CDC27: variants seen among roughly 807,000 people sequenced by gnomAD.
CDC27 encodes the protein cell division cycle protein 27 homolog.
CDC27 carries 27 observed loss-of-function variants against 109.7 expected under a neutral mutation model. The ratio of observed to expected loss-of-function variants is 0.25; its 90% CI spans 0.18 to 0.34. The LOEUF (loss-of-function observed/expected upper bound fraction) is 0.34, where lower values mean the gene tolerates loss of function less well. Ranked by LOEUF, CDC27 falls within the 10% of genes least tolerant of loss-of-function variation. CDC27 has a pLI of 1.00. For missense variants in CDC27, 579 were observed against 960.2 expected, an observed-to-expected ratio of 0.60 and a Z score of 5.25; for synonymous variants, 266 against 333.9, an observed-to-expected ratio of 0.80 and a Z score of 2.22.
At chr17:47,129,359 A>G in intron 16 of CDC27, 34 bp downstream of exon 16, 1 of 1,513,610 alleles carries the variant, frequency 6.6e-7, no homozygotes, top group Non-Finnish European at 9.1e-7. Context: ...TTTAAGCAAT[A>G]CAACACTGAA....
At chr17:47,140,846 C>A (rs2062772814) in intron 12 of CDC27, among the ~76,000 whole-genome samples, 1 of 152,116 alleles carries the variant, frequency 6.6e-6, no homozygotes, top group Admixed American at 6.5e-5. Context: ...AATAGGTATC[C>A]TCTGTATGTA....
intron 14 of CDC27, among the ~76,000 whole-genome samples, chr17:47,136,006 G>A (rs141472199): frequency 1.3e-5 from 2 of 152,266 alleles, no homozygotes; most frequent in East Asian, 3.9e-4. Flanking sequence ...GCCGGGCATG[G>A]TGGCAGGCAC....
intron 13 of CDC27, 53 bp downstream of exon 13, chr17:47,138,686 T>C: frequency 7.9e-7 from 1 of 1,273,500 alleles, no homozygotes; most frequent in African/African-American, 1.5e-5. Flanking sequence ...TCTCTATCTG[T>C]TGAGGGTGAT....
Position 47,120,960 on chromosome 17 carries a change from T to C in CDC27, c.2450A>G (p.His817Arg). ...TTAAAATTCATCACTTTCAGCTGCATGAAGTTGTGTGTCATCCGCATCTGT... is the reference window on the plus strand; with the variant it reads ...TTAAAATTCATCACTTTCAGCTGCACGAAGTTGTGTGTCATCCGCATCTGT... ...SMTDADDTQL[H>R]AAESDEF The change falls in exon 19 of 19, where the codon CAT (histidine) becomes CGT (arginine). Residue 817 changes from histidine (H) to arginine (R), a missense_variant. Physicochemically the swap from His to Arg is conservative, Grantham distance 29. This residue lies in a region of CDC27 where 227 missense variants were observed against 363.6 expected (regional missense o/e 0.62). Coordinates refer to ENST00000066544, the MANE Select transcript of CDC27 (RefSeq NM_001256.6). 6.2e-7 allele frequency: 1 copy of C among 1,613,008 alleles called. No homozygotes were observed. Among genetic ancestry groups the C allele is most frequent in the South Asian group, 1.1e-5 (1 of 90,914 alleles).
Position 47,141,891 on chromosome 17 carries a change from T to C in CDC27, c.1513A>G (p.Ile505Val), listed in dbSNP as rs757942944. The C allele has an allele frequency of 1.9e-5, 30 of 1,599,332 alleles. No homozygotes were observed. In the African/African-American group the frequency reaches 3.9e-4, roughly 21 times the overall value. The change falls in exon 12 of 19, where the codon ATT (isoleucine) becomes GTT (valine). Residue 505 changes from isoleucine (I) to valine (V), a missense_variant. By Grantham distance (29) the Ile-to-Val change is conservative (BLOSUM62 3). Around this residue, in one of 9 missense-constraint regions of CDC27, gnomAD observed 4 missense variants for 25.7 expected, o/e 0.16. Coordinates refer to ENST00000066544, the MANE Select transcript of CDC27 (RefSeq NM_001256.6). ...HYNTGWVLCQ[I>V]GRAYFELSEY... ...GAAAGTTCAAAATAGGCCCTTCCAA[T>C]TTGGCACAGTACCCAACCAGTATTG... is the stretch of plus-strand genomic sequence containing the variant.
At chr17:47,147,898 C>CAAAAAA (rs893703763) in intron 9 of CDC27, among the ~76,000 whole-genome samples, 2 of 45,628 alleles carry the variant, frequency 4.4e-5, no homozygotes, top group Admixed American at 2.4e-4. Context: ...GACCCTGTCT[C>CAAAAAA]AAAAAAAAAA....
At chr17:47,170,209 T>C (rs1026216876) in intron 3 of CDC27, 167 bp from the exon 4 acceptor site, 6 of 479,802 alleles carry the variant, frequency 1.3e-5, no homozygotes, top group African/African-American at 1.2e-4. Flanking sequence ...TGTCTTCCTT[T>C]CTTTAAAGAG....
intron 3 of CDC27, among the ~76,000 whole-genome samples, chr17:47,171,425 A>G (rs1324563169): frequency 1.3e-5 from 2 of 152,238 alleles, no homozygotes; most frequent in African/African-American, 4.8e-5. Flanking sequence ...CTTACAGTAC[A>G]GAAAAGAATT....
In CDC27 at chr17:47,151,028, A is replaced by G. The variant is rs534929769; in HGVS notation, c.1070+778T>C. Among the ~76,000 whole-genome samples, 44 of 152,342 alleles carry G rather than the reference A, an allele frequency of 2.9e-4. 1 individual carries two copies. In the South Asian group the frequency reaches 8.1e-3, roughly 28 times the overall value. On this transcript the variant is annotated intron_variant, in intron 9 of 18. Coordinates refer to ENST00000066544, the MANE Select transcript of CDC27 (RefSeq NM_001256.6). The stretch of plus-strand genomic sequence containing the variant: ...GCTTGGGCAACAAGAGTGAAACTCC[A>G]TCTCCATAAAAAAAAGAGCTGATGT...
intron 14 of CDC27, among the ~76,000 whole-genome samples, chr17:47,135,356 T>C (rs2062546087): frequency 6.6e-6 from 1 of 152,106 alleles, no homozygotes; most frequent in South Asian, 2.1e-4. Flanking sequence ...AAATGTCAAA[T>C]GAATATAGTG....
chr17:47,179,854 GA>G (rs1240187801), intron 2 of CDC27, among the ~76,000 whole-genome samples: 2 of 152,178 alleles, frequency 1.3e-5, no homozygotes, highest in Non-Finnish European at 2.9e-5. Flanking sequence ...AATTCTATGG[GA>G]AAATCTAATT....
intron 4 of CDC27, among the ~76,000 whole-genome samples, chr17:47,168,800 T>C (rs1012129606): frequency 6.6e-6 from 1 of 152,022 alleles, no homozygotes; most frequent in Non-Finnish European, 1.5e-5. Context: ...TGTTCAGAAA[T>C]ACATTTTCAA....
intron 8 of CDC27, 24 bp from the exon 9 acceptor site, chr17:47,151,942 GT>G: frequency 6.3e-7 from 1 of 1,592,982 alleles, no homozygotes; most frequent in South Asian, 1.2e-5. Context: ...AAAGTCTAAG[GT>G]TTGTGAATTA....
At chr17:47,174,835 G>C (rs1180262876) in intron 2 of CDC27, among the ~76,000 whole-genome samples, 1 of 151,816 alleles carries the variant, frequency 6.6e-6, no homozygotes, top group Non-Finnish European at 1.5e-5. Flanking sequence ...GTGCACCTGT[G>C]ATCCCAGCTA....
chr17:47,148,027 A>G (rs918859563), intron 9 of CDC27, among the ~76,000 whole-genome samples: 3 of 151,456 alleles, frequency 2.0e-5, no homozygotes, highest in Non-Finnish European at 4.4e-5. Context: ...GTGAAACCCC[A>G]TCTCTACTAA....
intron 14 of CDC27, among the ~76,000 whole-genome samples, chr17:47,134,343 C>T (rs1345189449): frequency 2.0e-5 from 3 of 150,306 alleles, no homozygotes; most frequent in Non-Finnish European, 4.4e-5. Flanking sequence ...CTTGCTCTGT[C>T]GCCCGGGCTG....
chr17:47,181,065 A>G (rs1410348995), intron 2 of CDC27, among the ~76,000 whole-genome samples: 1 of 149,956 alleles, frequency 6.7e-6, no homozygotes, highest in Non-Finnish European at 1.5e-5. Context: ...CAGCCTGGGC[A>G]ACATAGCAAA....
chr17:47,138,621 A>G lies in CDC27; in HGVS notation c.1704+118T>C, dbSNP rs1598436019. 8 of 645,096 alleles carry G rather than the reference A, an allele frequency of 1.2e-5. No homozygotes were observed. The South Asian group carries it at 1.4e-4, about 11-fold the overall frequency. The allele number at this position is 645,096 out of a possible 1,614,324, so 40.0% of individuals were successfully genotyped here. On this transcript the variant is annotated intron_variant, in intron 13 of 18. Transcript: ENST00000066544. ...CTGAGTCCCTGACTAGAGAGAGAGG[A>G]AAAAAAAGAAATAAGCGTGGGTGAC... is the stretch of plus-strand genomic sequence containing the variant.
Position 47,138,749 on chromosome 17 carries a change from T to C in CDC27, c.1694A>G (p.Asn565Ser). Residue 565 changes from asparagine (N) to serine (S), a missense_variant, in exon 13 of 19, where the codon AAT (asparagine) becomes AGT (serine). By Grantham distance (46) the Asn-to-Ser change is conservative. Coordinates refer to ENST00000066544, the MANE Select transcript of CDC27 (RefSeq NM_001256.6). ...TTTTGGTTAACATACCTCTGGCGAA[T>C]TTTTATCCATGTCTGTTAAGTCTTT... ...LSKDLTDMDK[N>S]SPEAWCAAGN... The C allele has an allele frequency of 6.2e-7, 1 of 1,610,186 alleles. No individual in the cohort carries two copies. The highest frequency in any genetic ancestry group is 8.5e-7 in the Non-Finnish European group (1 of 1,179,028).
Sources: allele counts gnomAD v4.1 joint callset (sites outside exome capture counted in the v4.1 genomes callset), GRCh38; gene constraint gnomAD v4.1.1; regional missense constraint gnomAD v4.1.1; transcripts MANE v1.5; gene names NCBI Gene and HGNC (gene_info 2026-07-23, HGNC 2026-07-21).